The following ACACA variants were observed in gnomAD, a reference collection of about 807,000 sequenced individuals.
The protein encoded by ACACA is acetyl-CoA carboxylase 1.
A neutral mutation model predicts 296.1 loss-of-function variants in ACACA; 103 were observed. That is an observed-to-expected ratio of 0.35 (90% confidence interval 0.30 to 0.41). ACACA has a LOEUF of 0.41. Among genes scored for constraint, ACACA ranks in the 10% least tolerant of loss-of-function variants. The probability of loss-of-function intolerance (pLI) is 1.00; values close to 1 mark genes in which losing one functional copy is unlikely to be tolerated. For missense variants in ACACA, 1,554 were observed against 2,989.7 expected (o/e 0.52, Z 11.20); for synonymous variants, 953 against 1,038.6 (o/e 0.92, Z 1.58).
chr17:37,389,318 C>A, intron 1 of ACACA: 1 of 1,596,262 alleles, frequency 6.3e-7, no homozygotes, highest in Non-Finnish European at 8.5e-7. Flanking sequence ...GGGAGGCCAG[C>A]CACCTGGGAC....
intron 41 of ACACA, among the ~76,000 whole-genome samples, chr17:37,164,866 A>T (rs1044310548): frequency 4.6e-5 from 7 of 152,188 alleles, no homozygotes; most frequent in African/African-American, 1.4e-4. Flanking sequence ...AGCCCTGAAG[A>T]ATCTACTTCA....
intron 11 of ACACA, among the ~76,000 whole-genome samples, chr17:37,262,709 T>C (rs2081569918): frequency 6.6e-6 from 1 of 152,154 alleles, no homozygotes; most frequent in Non-Finnish European, 1.5e-5. Context: ...TTACACCTTG[T>C]TTAAGCCACC....
chr17:37,277,144 T>C (rs1052867538), intron 6 of ACACA, 30 bp from the exon 7 acceptor site: 1 of 1,590,010 alleles, frequency 6.3e-7, no homozygotes, highest in South Asian at 1.1e-5. Context: ...AATTCATTCT[T>C]AAAATTCATA....
chr17:37,400,163 A>T (rs1260252469), intron 1 of ACACA, among the ~76,000 whole-genome samples: 1 of 152,142 alleles, frequency 6.6e-6, no homozygotes. Context: ...TCTGTTGCCC[A>T]GGCTGGAGTG....
rs1298935141 is a variant in ACACA, at chr17:37,172,001, C to G, written c.5079+7259G>C. On this transcript the variant is annotated intron_variant, in intron 41 of 55. Transcript: ENST00000616317. ...ATTAATCATACGAATGAGTGCTGAA[C>G]TCTGGTGCCCCCCGCTACTCCTCAT... Among the ~76,000 whole-genome samples the G allele has an allele frequency of 2.0e-5, 3 of 152,284 alleles. No individual in the cohort carries two copies. In the East Asian group the frequency reaches 5.8e-4, roughly 29 times the overall value.
chr17:37,391,924 T>A (rs34232224), intron 1 of ACACA: 13,702 of 589,108 alleles, frequency 0.023, 199 homozygotes, highest in Non-Finnish European at 0.034. Context: ...CTTCTGTAAT[T>A]CACTTCATAC....
chr17:37,339,694 T>C (rs1190692887), intron 2 of ACACA, 110 bp downstream of exon 2: 21 of 734,938 alleles, frequency 2.9e-5, no homozygotes, highest in Non-Finnish European at 4.8e-5. Flanking sequence ...AATCTGCCTA[T>C]ATTATTTTGT....
chr17:37,220,850 T>G (rs951282340), intron 29 of ACACA, among the ~76,000 whole-genome samples: 4 of 152,170 alleles, frequency 2.6e-5, no homozygotes, highest in Admixed American at 6.5e-5. Flanking sequence ...ATTTCTGGTG[T>G]CTATAACTAA....
intron 1 of ACACA, chr17:37,379,232 C>T (rs764701298): frequency 1.6e-5 from 26 of 1,613,842 alleles, no homozygotes; most frequent in Non-Finnish European, 1.1e-5. Flanking sequence ...AAAAGTCAAC[C>T]TTGTATATTT....
chr17:37,229,845 G>A (rs2079764027), intron 25 of ACACA, among the ~76,000 whole-genome samples: 2 of 151,600 alleles, frequency 1.3e-5, no homozygotes, highest in South Asian at 2.1e-4. Flanking sequence ...CGAGGTGGGC[G>A]GATTACCTGA....
At chr17:37,159,482 G>A (rs1262435478) in intron 42 of ACACA, among the ~76,000 whole-genome samples, 3 of 152,108 alleles carry the variant, frequency 2.0e-5, no homozygotes, top group East Asian at 1.9e-4. Context: ...TCGGCCTCCC[G>A]AAGTGCTGGG....
At position 37,094,580 on chromosome 17, in the gene ACACA, C is replaced by A. The variant is rs377212277; in HGVS notation, c.6891+2416G>T. 9.4e-3 allele frequency among the ~76,000 whole-genome samples: 1,401 copies of A among 148,376 alleles called. 17 individuals carry two copies. Among genetic ancestry groups the A allele is most frequent in the Non-Finnish European group, 0.014 (917 of 66,200 alleles). On this transcript the variant is annotated intron_variant, in intron 54 of 55. Coordinates refer to ENST00000616317, the MANE Select transcript of ACACA (RefSeq NM_198834.3). ...TCATTCTTTGAAGAACCACCCCCCC[C>A]CCCCCACACCAAACAGCAAGCAGAT...
At chr17:37,098,118 T>A in intron 52 of ACACA, 134 bp from the exon 53 acceptor site, 2 of 1,114,934 alleles carry the variant, frequency 1.8e-6, no homozygotes, top group Non-Finnish European at 2.7e-6. Context: ...TCCGTTGTCT[T>A]CTCTGCTCTT....
At chr17:37,390,171 T>TACAC (rs1214175820) in intron 1 of ACACA, among the ~76,000 whole-genome samples, 2 of 56,170 alleles carry the variant, frequency 3.6e-5, no homozygotes, top group Non-Finnish European at 5.7e-5. Flanking sequence ...TATATATATA[T>TACAC]ATATACACAC....
intron 3 of ACACA, among the ~76,000 whole-genome samples, chr17:37,288,757 G>T (rs2082905882): frequency 6.6e-6 from 1 of 151,942 alleles, no homozygotes; most frequent in Non-Finnish European, 1.5e-5. Flanking sequence ...AAATTAGCCG[G>T]CCTTGGTGGC....
At chr17:37,298,718 G>GA (rs1339083454) in intron 3 of ACACA, among the ~76,000 whole-genome samples, 1 of 152,170 alleles carries the variant, frequency 6.6e-6, no homozygotes, top group African/African-American at 2.4e-5. Context: ...CAAGAGGCCT[G>GA]AAGAAGGCCC....
chr17:37,311,825 T>C (rs2084161928), intron 3 of ACACA, among the ~76,000 whole-genome samples: 1 of 144,644 alleles, frequency 6.9e-6, no homozygotes, highest in East Asian at 2.0e-4. Flanking sequence ...TGAGCCAAGA[T>C]CATGCCACTG....
At chr17:37,116,575 G>A (rs1450464796) in intron 50 of ACACA, among the ~76,000 whole-genome samples, 1 of 152,124 alleles carries the variant, frequency 6.6e-6, no homozygotes, top group Non-Finnish European at 1.5e-5. Flanking sequence ...TGACATGTTT[G>A]GGACTAATAT....
intron 1 of ACACA, among the ~76,000 whole-genome samples, chr17:37,405,250 CA>C (rs975277704): frequency 2.0e-5 from 3 of 152,092 alleles, no homozygotes; most frequent in African/African-American, 4.8e-5. Flanking sequence ...TTTATTTTTC[CA>C]TAAAACTTGC....
Sources: gnomAD v4.1 joint callset for allele counts (sites outside exome capture counted in the v4.1 genomes callset) on GRCh38, gnomAD v4.1.1 for gene constraint, MANE v1.5 for transcripts, NCBI Gene and HGNC (gene_info 2026-07-23, HGNC 2026-07-21) for gene names.